The following RBM27 variants were observed in gnomAD, a reference collection of about 807,000 sequenced individuals.
RBM27 encodes RNA-binding protein 27.
RBM27 carries 22 observed loss-of-function variants against 135.3 expected under a neutral mutation model. The observed-to-expected ratio is 0.16, with a 90% confidence interval of 0.12 to 0.23. RBM27 has a LOEUF of 0.23. Ranked by LOEUF, RBM27 falls within the 10% of genes least tolerant of loss-of-function variation. The pLI is 1.00. For missense variants in RBM27, 1,009 were observed against 1,281.0 expected, an observed-to-expected ratio of 0.79 and a Z score of 3.24; for synonymous variants, 481 against 442.4, an observed-to-expected ratio of 1.09 and a Z score of -1.10.
chr5:146,285,791 C>CTTTT (rs3062196), intron 20 of RBM27, among the ~76,000 whole-genome samples, 156 bp from the exon 21 acceptor site: 1 of 136,778 alleles, frequency 7.3e-6, no homozygotes, highest in Non-Finnish European at 1.6e-5. Flanking sequence ...ATATTTTGGG[C>CTTTT]TTTTTTTTTT....
At chr5:146,256,466 C>T (rs920526134) in intron 10 of RBM27, among the ~76,000 whole-genome samples, 1 of 151,494 alleles carries the variant, frequency 6.6e-6, no homozygotes, top group Non-Finnish European at 1.5e-5. Flanking sequence ...TCTCCCACCT[C>T]AGCCTCCTGA....
intron 19 of RBM27, among the ~76,000 whole-genome samples, chr5:146,275,359 C>T (rs1759051766): frequency 6.6e-6 from 1 of 151,796 alleles, no homozygotes; most frequent in Admixed American, 6.6e-5. Flanking sequence ...CAATCTCCGC[C>T]TCCTAGGTTC....
At chr5:146,211,563 C>G (rs1273971895) in intron 1 of RBM27, among the ~76,000 whole-genome samples, 2 of 147,154 alleles carry the variant, frequency 1.4e-5, no homozygotes, top group Non-Finnish European at 3.0e-5. Flanking sequence ...CTCACCACAA[C>G]CTCCGCCTCC....
intron 8 of RBM27, among the ~76,000 whole-genome samples, chr5:146,248,706 TCCA>T (rs988592273): frequency 1.3e-5 from 2 of 152,236 alleles, no homozygotes; most frequent in African/African-American, 2.4e-5. Context: ...GCTCAAGGGA[TCCA>T]CCCGCCTTGG....
intron 11 of RBM27, among the ~76,000 whole-genome samples, chr5:146,259,190 T>C (rs1758254004): frequency 6.6e-6 from 1 of 151,908 alleles, no homozygotes; most frequent in Admixed American, 6.6e-5. Flanking sequence ...AAAAGCTTAG[T>C]ACCTTTGCAG....
At chr5:146,228,830 C>A in intron 3 of RBM27, 116 bp from the exon 4 acceptor site, 1 of 661,582 alleles carries the variant, frequency 1.5e-6, no homozygotes, top group Non-Finnish European at 2.6e-6. Context: ...CCAGGCTGGT[C>A]TCAATATCCT....
intron 8 of RBM27, among the ~76,000 whole-genome samples, chr5:146,241,865 T>C (rs1056111228): frequency 1.3e-5 from 2 of 152,220 alleles, no homozygotes; most frequent in Admixed American, 1.3e-4. Flanking sequence ...TATGAAAATA[T>C]CTAATACTTT....
chr5:146,216,037 C>T (rs1274925652), intron 1 of RBM27, among the ~76,000 whole-genome samples: 3 of 152,036 alleles, frequency 2.0e-5, no homozygotes, highest in African/African-American at 4.8e-5. Context: ...CGTGAGCCAC[C>T]GCGCCCAGCT....
intron 8 of RBM27, among the ~76,000 whole-genome samples, chr5:146,250,765 T>C (rs1223606126): frequency 6.8e-6 from 1 of 147,928 alleles, no homozygotes; most frequent in Non-Finnish European, 1.5e-5. Context: ...TGTTTTTTTT[T>C]TGTCCTTTTT....
intron 19 of RBM27, among the ~76,000 whole-genome samples, chr5:146,272,475 T>C (rs914237829): frequency 6.6e-6 from 1 of 152,160 alleles, no homozygotes; most frequent in Non-Finnish European, 1.5e-5. Flanking sequence ...CCCAGCACTC[T>C]GGGAGGCTGA....
chr5:146,276,096 T>G (rs969061073), intron 19 of RBM27, among the ~76,000 whole-genome samples: 3 of 152,112 alleles, frequency 2.0e-5, no homozygotes, highest in Non-Finnish European at 4.4e-5. Context: ...AAATTCCTGT[T>G]TTTACTGTTA....
chr5:146,211,254 TGGGCAAC>T lies in RBM27; in HGVS notation c.59+7431_59+7437del, dbSNP rs1436098502. ...ATGATCAAGCCACTGTACTCCAGCC[TGGGCAAC>T]AGAATGAGACCCTGTCTCAAAAAAT... On this transcript the variant is annotated intron_variant, in intron 1 of 20. Coordinates refer to ENST00000265271, the MANE Select transcript of RBM27 (RefSeq NM_018989.2). Among the ~76,000 whole-genome samples the T allele has an allele frequency of 2.6e-5, 4 of 152,270 alleles. No individual in the cohort carries two copies. In the East Asian group the frequency reaches 7.7e-4, roughly 29 times the overall value.
chr5:146,271,513 C>A lies in RBM27; in HGVS notation c.2827C>A (p.Arg943=). 1 of 1,612,928 alleles carries A rather than the reference C, an allele frequency of 6.2e-7. No homozygotes were observed. Among genetic ancestry groups the A allele is most frequent in the South Asian group, 1.1e-5 (1 of 91,004 alleles). The change falls in exon 19 of 21, where the codon CGA becomes AGA. Residue 943 remains arginine (R), a synonymous_variant. Coordinates refer to ENST00000265271, the MANE Select transcript of RBM27 (RefSeq NM_018989.2). Reference sequence around the variant, plus strand: ...ACGGTTAGGTATTTTACCTGTGGGTCGAGGAAAGACCATGTCCTCTCAAGG... The same window carrying A: ...ACGGTTAGGTATTTTACCTGTGGGTAGAGGAAAGACCATGTCCTCTCAAGG... ...AARLGILPVG[R]GKTMSSQGRG... is the part of the protein sequence containing the mutation.
chr5:146,219,452 G>GT (rs534635427), intron 2 of RBM27, among the ~76,000 whole-genome samples: 1 of 152,160 alleles, frequency 6.6e-6, no homozygotes, highest in Non-Finnish European at 1.5e-5. Context: ...GAGCTCATCA[G>GT]TTTTTTTCCC....
intron 1 of RBM27, among the ~76,000 whole-genome samples, chr5:146,205,206 T>TAACC (rs1755578298): frequency 6.6e-6 from 1 of 152,172 alleles, no homozygotes. Context: ...CCATGTTTGA[T>TAACC]AACCATTTTA....
At chr5:146,227,717 C>T (rs771018606) in intron 3 of RBM27, among the ~76,000 whole-genome samples, 9 of 151,868 alleles carry the variant, frequency 5.9e-5, no homozygotes, top group Non-Finnish European at 7.4e-5. Context: ...CCAACGTGGG[C>T]GACAGAGTGA....
Position 146,263,699 on chromosome 5 carries a change from T to C in RBM27, c.2331+68T>C, listed in dbSNP as rs1758492055. The C allele has an allele frequency of 5.7e-5, 88 of 1,539,534 alleles. 1 individual carries two copies. In the South Asian group the frequency reaches 9.5e-4, roughly 17 times the overall value. On this transcript the variant is annotated intron_variant, in intron 14 of 20. Coordinates refer to ENST00000265271, the MANE Select transcript of RBM27 (RefSeq NM_018989.2). ...GTGAATTAACAGAATAAATCAGTTA[T>C]CATTCAGACAGTGAAGACAGTTGTG...
chr5:146,275,248 A>T (rs1759044488), intron 19 of RBM27, among the ~76,000 whole-genome samples: 1 of 151,782 alleles, frequency 6.6e-6, no homozygotes, highest in East Asian at 1.9e-4. Flanking sequence ...TCCAGAAAGA[A>T]CTTTTTAATT....
At chr5:146,283,953 TC>T (rs1164979508) in intron 19 of RBM27, among the ~76,000 whole-genome samples, 1 of 152,198 alleles carries the variant, frequency 6.6e-6, no homozygotes, top group Non-Finnish European at 1.5e-5. Context: ...AAACTTTGGA[TC>T]CCTAGTCCCT....
Sources: allele counts gnomAD v4.1 joint callset (sites outside exome capture counted in the v4.1 genomes callset), GRCh38; gene constraint gnomAD v4.1.1; transcripts MANE v1.5; gene names NCBI Gene and HGNC (gene_info 2026-07-23, HGNC 2026-07-21).